PRDM11: variants seen among roughly 807,000 people sequenced by gnomAD.
The protein encoded by PRDM11 is PR/SET domain 11, also known as PR domain-containing protein 11.
In PRDM11, 20 loss-of-function variants were observed where a neutral mutation model predicts 97.8. That is an observed-to-expected ratio of 0.20 (90% CI 0.14 to 0.30). The LOEUF (loss-of-function observed/expected upper bound fraction) is 0.30. Among genes scored for constraint, PRDM11 ranks in the 10% least tolerant of loss-of-function variants. PRDM11 has a pLI of 1.00. For synonymous variants in PRDM11, 599 were observed against 637.7 expected, an observed-to-expected ratio of 0.94 and a Z score of 0.91; for missense variants, 1,139 against 1,555.2, an observed-to-expected ratio of 0.73 and a Z score of 4.50.
In PRDM11 at chr11:45,115,254, CAT is replaced by C. The variant is rs1231932188; in HGVS notation, c.96+19356_96+19357del. On this transcript the variant is annotated intron_variant, in intron 1 of 6. Transcript: ENST00000530656. ...AAATATCTATGATAAGGTAAGGACT[CAT>C]ATTAAAATTGCTAGAGGAAATATTA... 2.6e-5 allele frequency among the ~76,000 whole-genome samples: 4 copies of C among 151,978 alleles called. No individual in the cohort carries two copies. In the East Asian group the frequency reaches 5.8e-4, roughly 22 times the overall value.
At chr11:45,115,311 G>C (rs1394576147) in intron 1 of PRDM11, among the ~76,000 whole-genome samples, 2 of 152,064 alleles carry the variant, frequency 1.3e-5, no homozygotes, top group Non-Finnish European at 2.9e-5. Context: ...CTAATGCAAA[G>C]AGGTTTTGAT....
chr11:45,136,512 G>A (rs1196991648), intron 1 of PRDM11, among the ~76,000 whole-genome samples: 2 of 152,196 alleles, frequency 1.3e-5, no homozygotes, highest in Non-Finnish European at 2.9e-5. Flanking sequence ...GGCTGCCTTA[G>A]TAGAGAAGAT....
chr11:45,224,023 C>T lies in PRDM11; in HGVS notation c.743-194C>T, dbSNP rs149106206. Among the ~76,000 whole-genome samples the T allele has an allele frequency of 3.0e-3, 459 of 152,338 alleles. 1 individual carries two copies. The highest frequency in any genetic ancestry group is 0.011 in the African/African-American group (439 of 41,586). On this transcript the variant is annotated intron_variant, in intron 6 of 7. Transcript: ENST00000683152. ...TGTCTCTTTCTAAAAGGTCTTTCCA[C>T]CGTTCAGGTCCTATGAGTCTAGCTC...
upstream of PRDM11, among the ~76,000 whole-genome samples, chr11:45,144,060 C>T (rs1815908632): frequency 1.3e-5 from 2 of 152,210 alleles, no homozygotes; most frequent in Admixed American, 1.3e-4. Context: ...GCACATGTGT[C>T]AACCCTCCAA....
rs185038241 is a variant in PRDM11 at position 45,221,337 on chromosome 11, T to C, written c.742+1580T>C. Among the ~76,000 whole-genome samples, 293 of 152,314 alleles carry C rather than the reference T, an allele frequency of 1.9e-3. 1 individual carries two copies. Among genetic ancestry groups the C allele is most frequent in the Non-Finnish European group, 3.4e-3 (228 of 68,038 alleles). On this transcript the variant is annotated intron_variant, in intron 6 of 7. Coordinates refer to ENST00000683152, the MANE Select transcript of PRDM11 (RefSeq NM_001384648.1). Reference sequence around the variant, plus strand: ...CCATGTGACCTCTGGAGATGCCTCATGTAAAAGTGCCTGATACATAGTAGG... The same window carrying C: ...CCATGTGACCTCTGGAGATGCCTCACGTAAAAGTGCCTGATACATAGTAGG...
intron 1 of PRDM11, among the ~76,000 whole-genome samples, chr11:45,167,772 C>T (rs944041040): frequency 8.5e-4 from 122 of 144,064 alleles, no homozygotes; most frequent in African/African-American, 3.3e-3. Context: ...CACACACACA[C>T]ACACACACAC....
At chr11:45,162,674 G>A (rs779357814) in intron 1 of PRDM11, among the ~76,000 whole-genome samples, 26 of 152,158 alleles carry the variant, frequency 1.7e-4, no homozygotes, top group Admixed American at 3.9e-4. Flanking sequence ...GAAGTTAAGT[G>A]GCTTCCCAAG....
intron 1 of PRDM11, among the ~76,000 whole-genome samples, chr11:45,129,891 A>C (rs923313430): frequency 2.0e-5 from 3 of 152,336 alleles, no homozygotes; most frequent in East Asian, 3.9e-4. Flanking sequence ...GTAAATCTAC[A>C]GTAGTTAAGA....
At chr11:45,114,350 A>G (rs1852256795) in intron 1 of PRDM11, among the ~76,000 whole-genome samples, 1 of 152,176 alleles carries the variant, frequency 6.6e-6, no homozygotes, top group African/African-American at 2.4e-5. Context: ...AAACTGGCAG[A>G]AGAGTCAATG....
chr11:45,182,739 G>A, intron 3 of PRDM11, 122 bp from the exon 4 acceptor site: 3 of 1,238,114 alleles, frequency 2.4e-6, no homozygotes, highest in Non-Finnish European at 3.4e-6. Flanking sequence ...TGCTACCGAT[G>A]ACCCTGGGGC....
At chr11:45,095,801 G>T (rs187944096), upstream of PRDM11, 1 of 759,008 alleles carries the variant, frequency 1.3e-6, no homozygotes, top group Non-Finnish European at 2.4e-6. Context: ...ACAAGGTAGG[G>T]TTCAATGTTG....
intron 1 of PRDM11, among the ~76,000 whole-genome samples, chr11:45,120,690 A>G (rs1852409613): frequency 6.6e-6 from 1 of 152,106 alleles, no homozygotes; most frequent in Admixed American, 6.5e-5. Context: ...ATCAAAAGAG[A>G]GTCTGTCCTT....
chr11:45,162,794 A>G (rs1328584087), intron 1 of PRDM11, among the ~76,000 whole-genome samples: 1 of 152,228 alleles, frequency 6.6e-6, no homozygotes, highest in African/African-American at 2.4e-5. Flanking sequence ...TTAAGGTGGC[A>G]GTGCGCCTTT....
intron 5 of PRDM11, among the ~76,000 whole-genome samples, chr11:45,217,210 G>A (rs1853981262): frequency 6.6e-6 from 1 of 152,150 alleles, no homozygotes; most frequent in African/African-American, 2.4e-5. Context: ...TCTCAGCTAT[G>A]GAGAAAAGAC....
intron 5 of PRDM11, among the ~76,000 whole-genome samples, chr11:45,211,004 G>C (rs935511967): frequency 6.6e-6 from 1 of 152,176 alleles, no homozygotes; most frequent in Non-Finnish European, 1.5e-5. Flanking sequence ...CAGGGAGCCC[G>C]AGTGTGCCAT....
At chr11:45,215,603 T>C (rs1055786539) in intron 5 of PRDM11, among the ~76,000 whole-genome samples, 5 of 152,180 alleles carry the variant, frequency 3.3e-5, no homozygotes, top group East Asian at 1.9e-4. Flanking sequence ...ACTTGTCAAC[T>C]TGGGATGGAA....
upstream of PRDM11, among the ~76,000 whole-genome samples, chr11:45,145,893 C>A (rs34938781): frequency 0.028 from 4,216 of 152,244 alleles, 198 homozygotes; most frequent in African/African-American, 0.096. Context: ...CTCTTCACCC[C>A]CTCTCTGTGA....
chr11:45,162,274 G>A (rs1851948388), intron 1 of PRDM11, among the ~76,000 whole-genome samples: 1 of 152,162 alleles, frequency 6.6e-6, no homozygotes. Context: ...GGTGTGGGCA[G>A]GGGTTGCAGC....
chr11:45,213,369 C>G (rs990340749), intron 5 of PRDM11: 3 of 449,114 alleles, frequency 6.7e-6, no homozygotes, highest in African/African-American at 2.0e-5. Context: ...GGGGAGCATC[C>G]GAATGGAGTC....
Sources: gnomAD v4.1 joint callset for allele counts (sites outside exome capture counted in the v4.1 genomes callset) on GRCh38, gnomAD v4.1.1 for gene constraint, MANE v1.5 for transcripts, NCBI Gene and HGNC (gene_info 2026-07-23, HGNC 2026-07-21) for gene names.